Variants in MOXD1 observed in about 807,000 individuals in gnomAD.
The protein encoded by MOXD1 is DBH-like monooxygenase protein 1.
In MOXD1, 62 loss-of-function variants were observed where a neutral mutation model predicts 66.6. The ratio of observed to expected loss-of-function variants is 0.93; its 90% CI spans 0.76 to 1.15. MOXD1 has a LOEUF of 1.15. MOXD1 is among the 50% of genes most tolerant of loss of function. MOXD1 has a pLI of 0.00. For synonymous variants in MOXD1, 303 were observed against 281.9 expected, an observed-to-expected ratio of 1.07 and a Z score of -0.75; for missense variants, 847 against 754.6, an observed-to-expected ratio of 1.12 and a Z score of -1.44.
chr6:132,345,264 G>C (rs1381851351), intron 4 of MOXD1, among the ~76,000 whole-genome samples: 1 of 152,156 alleles, frequency 6.6e-6, no homozygotes, highest in Non-Finnish European at 1.5e-5. Flanking sequence ...CTATCATGTT[G>C]TTGGATTCAG....
intron 4 of MOXD1, among the ~76,000 whole-genome samples, chr6:132,345,360 C>G (rs1220805381): frequency 6.6e-6 from 1 of 151,846 alleles, no homozygotes; most frequent in Non-Finnish European, 1.5e-5. Flanking sequence ...TTTTGTCTAT[C>G]TATATTATCT....
chr6:132,354,219 T>A lies in MOXD1; in HGVS notation c.663+18389A>T, dbSNP rs1187898966. On this transcript the variant is annotated intron_variant, in intron 4 of 11. Transcript: ENST00000367963. ...AGCTAGTGTGATTTTTTGGGGGTGT[T>A]AAAGAGCCTTGTTTTGTCATATCAC... Among the ~76,000 whole-genome samples the A allele has an allele frequency of 3.3e-5, 5 of 152,200 alleles. No individual in the cohort carries two copies. The East Asian group carries it at 9.6e-4, about 29-fold the overall frequency.
chr6:132,328,774 T>C (rs1244789477), intron 4 of MOXD1, among the ~76,000 whole-genome samples, 180 bp from the exon 5 acceptor site: 7 of 152,194 alleles, frequency 4.6e-5, no homozygotes, highest in South Asian at 2.1e-4. Flanking sequence ...ATGGTAAAGA[T>C]ATGATGATGA....
At chr6:132,360,321 A>G (rs1263637660) in intron 4 of MOXD1, among the ~76,000 whole-genome samples, 1 of 152,210 alleles carries the variant, frequency 6.6e-6, no homozygotes, top group Non-Finnish European at 1.5e-5. Flanking sequence ...CAGTTTCCTC[A>G]TCTGTAAAAT....
intron 10 of MOXD1, among the ~76,000 whole-genome samples, chr6:132,301,853 A>G (rs1202540709): frequency 6.6e-6 from 1 of 152,166 alleles, no homozygotes; most frequent in Non-Finnish European, 1.5e-5. Flanking sequence ...CAGAACTATG[A>G]TCCCCAAAAG....
chr6:132,363,587 T>G lies in MOXD1; in HGVS notation c.663+9021A>C, dbSNP rs575919262. On this transcript the variant is annotated intron_variant, in intron 4 of 11. Coordinates refer to ENST00000367963, the MANE Select transcript of MOXD1 (RefSeq NM_015529.4). ...ATGGAAAAAGCCCCATTAGTATTGCTCAGAAGATCTGCATTCAAGTCTTGG... is the reference window on the plus strand; with the variant it reads ...ATGGAAAAAGCCCCATTAGTATTGCGCAGAAGATCTGCATTCAAGTCTTGG... 1.8e-4 allele frequency among the ~76,000 whole-genome samples: 28 copies of G among 152,242 alleles called. No homozygotes were observed. In the East Asian group the frequency reaches 2.9e-3, roughly 16 times the overall value.
intron 10 of MOXD1, among the ~76,000 whole-genome samples, chr6:132,302,156 G>A (rs1774554903): frequency 6.6e-6 from 1 of 152,102 alleles, no homozygotes; most frequent in East Asian, 1.9e-4. Context: ...AGAAGATTGT[G>A]ACCTAAACAA....
intron 4 of MOXD1, among the ~76,000 whole-genome samples, chr6:132,340,084 G>A (rs1775519686): frequency 6.6e-6 from 1 of 151,994 alleles, no homozygotes; most frequent in South Asian, 2.1e-4. Context: ...TGGCCAGGCT[G>A]GTCTCAAACT....
At chr6:132,340,937 C>A (rs959987232) in intron 4 of MOXD1, among the ~76,000 whole-genome samples, 11 of 152,152 alleles carry the variant, frequency 7.2e-5, no homozygotes, top group Non-Finnish European at 1.5e-4. Flanking sequence ...TGAGCCACTG[C>A]GCCCGGCAAG....
intron 4 of MOXD1, among the ~76,000 whole-genome samples, chr6:132,339,951 C>A (rs998903418): frequency 6.7e-6 from 1 of 149,648 alleles, no homozygotes; most frequent in South Asian, 2.1e-4. Flanking sequence ...CTCACTGCAA[C>A]CTTTGCCTCC....
chr6:132,349,763 A>C (rs1243646238), intron 4 of MOXD1, among the ~76,000 whole-genome samples: 1 of 151,594 alleles, frequency 6.6e-6, no homozygotes, highest in African/African-American at 2.4e-5. Context: ...TTCCCTGATC[A>C]CCGCATCCAC....
chr6:132,327,236 C>T (rs1466173024), intron 6 of MOXD1, among the ~76,000 whole-genome samples: 2 of 152,144 alleles, frequency 1.3e-5, no homozygotes, highest in Non-Finnish European at 2.9e-5. Context: ...CTTCTTTGGA[C>T]CAATTGGCAT....
At chr6:132,298,762 A>C (rs1440754847) in intron 10 of MOXD1, among the ~76,000 whole-genome samples, 2 of 151,810 alleles carry the variant, frequency 1.3e-5, no homozygotes, top group African/African-American at 4.9e-5. Flanking sequence ...AATGCAAAAA[A>C]AAACAACAAC....
intron 1 of MOXD1, among the ~76,000 whole-genome samples, chr6:132,398,938 A>C (rs867457646): frequency 0.026 from 3,848 of 148,816 alleles, 156 homozygotes; most frequent in African/African-American, 0.091. Flanking sequence ...ACTTTGTCAA[A>C]AAAAAAAAAA....
intron 10 of MOXD1, among the ~76,000 whole-genome samples, chr6:132,313,363 C>T (rs1173837699): frequency 2.6e-5 from 4 of 152,104 alleles, no homozygotes; most frequent in Admixed American, 6.5e-5. Flanking sequence ...TTTATGTAAG[C>T]ATTTTGTTAT....
chr6:132,359,312 G>A (rs995561578), intron 4 of MOXD1, among the ~76,000 whole-genome samples: 1 of 151,806 alleles, frequency 6.6e-6, no homozygotes, highest in Non-Finnish European at 1.5e-5. Flanking sequence ...CATTACCCAG[G>A]GTGGTCTCGA....
At position 132,320,709 on chromosome 6, in the gene MOXD1, C is replaced by T. The variant is rs376076945; in HGVS notation, c.1306-21G>A. ...TCTCCCTGAAACATAAAAGCAAAAG[C>T]TTTCAGATTGAAGTTTTATGCTGGC... On this transcript the variant is annotated intron_variant, in intron 8 of 11. Coordinates refer to ENST00000367963, the MANE Select transcript of MOXD1 (RefSeq NM_015529.4). 5.0e-5 allele frequency: 80 copies of T among 1,597,242 alleles called. 1 individual carries two copies. The South Asian group carries it at 8.5e-4, about 17-fold the overall frequency.
At chr6:132,390,764 C>T (rs147734321) in intron 1 of MOXD1, 2 of 151,230 alleles carry the variant, frequency 1.3e-5, no homozygotes, top group Admixed American at 6.6e-5. Context: ...AGGACTATCA[C>T]GAGAATTGCA....
chr6:132,329,051 G>C (rs1775254622), intron 4 of MOXD1, among the ~76,000 whole-genome samples: 3 of 151,948 alleles, frequency 2.0e-5, no homozygotes, highest in Non-Finnish European at 4.4e-5. Context: ...TGCCATGTTG[G>C]TTTGCTGCAC....
Sources: gnomAD v4.1 joint callset for allele counts (sites outside exome capture counted in the v4.1 genomes callset) on GRCh38, gnomAD v4.1.1 for gene constraint, MANE v1.5 for transcripts, NCBI Gene and HGNC (gene_info 2026-07-23, HGNC 2026-07-21) for gene names.